The following GOPC variants were observed in gnomAD, a reference collection of about 807,000 sequenced individuals.
GOPC encodes the protein Golgi-associated PDZ and coiled-coil motif-containing protein.
Under a neutral mutation model 51.2 loss-of-function variants are expected in GOPC, and 32 were observed. The ratio of observed to expected loss-of-function variants is 0.63; its 90% CI spans 0.47 to 0.84. GOPC has a LOEUF of 0.84. Among genes scored for constraint, GOPC ranks in the 40% least tolerant of loss-of-function variants. The pLI, the probability that GOPC is intolerant of heterozygous loss-of-function variation, is 0.00. For synonymous variants in GOPC, 190 were observed against 205.1 expected, an observed-to-expected ratio of 0.93 and a Z score of 0.63; for missense variants, 441 against 555.5, an observed-to-expected ratio of 0.79 and a Z score of 2.07.
intron 1 of GOPC, among the ~76,000 whole-genome samples, chr6:117,582,895 C>A (rs1583059049): frequency 6.6e-6 from 1 of 151,804 alleles, no homozygotes; most frequent in Non-Finnish European, 1.5e-5. Flanking sequence ...CACACTGGCC[C>A]TCTGCCCTTA....
Position 117,560,829 on chromosome 6 carries a change from C to T in GOPC, c.*2425G>A, listed in dbSNP as rs1176374018. ...TTGTGTATACATGTGTGTATTTCTC[C>T]TTCTGTCCCCTTCTCGATGAAATGG... On this transcript the variant is annotated 3_prime_UTR_variant, in exon 9 of 9. Coordinates refer to ENST00000368498, the MANE Select transcript of GOPC (RefSeq NM_020399.4). 4.7e-6 allele frequency: 1 copy of T among 213,904 alleles called. No individual in the cohort carries two copies. The highest frequency in any genetic ancestry group is 9.4e-6 in the Non-Finnish European group (1 of 105,988). 13.3% of individuals were successfully genotyped at this position (213,904 alleles called of 1,614,324 possible).
intron 1 of GOPC, 63 bp downstream of exon 1, chr6:117,601,941 G>GGCATTTAAAT (rs1357113340): frequency 6.6e-7 from 1 of 1,521,426 alleles, no homozygotes; most frequent in Non-Finnish European, 9.0e-7. Context: ...AGCGTTAAAT[G>GGCATTTAAAT]GCATCTGACG....
intron 1 of GOPC, among the ~76,000 whole-genome samples, chr6:117,586,472 ATTCT>A (rs1318448959): frequency 1.9e-4 from 23 of 119,570 alleles, no homozygotes; most frequent in African/African-American, 7.3e-4. Flanking sequence ...CATCACAGAG[ATTCT>A]TTTTTTTTTT....
chr6:117,586,243 A>G (rs1463049379), intron 1 of GOPC, among the ~76,000 whole-genome samples: 1 of 152,158 alleles, frequency 6.6e-6, no homozygotes, highest in East Asian at 1.9e-4. Flanking sequence ...CAAAAATGTA[A>G]AAAATAAAAA....
At chr6:117,594,944 T>C (rs1019696386) in intron 1 of GOPC, among the ~76,000 whole-genome samples, 2 of 152,184 alleles carry the variant, frequency 1.3e-5, no homozygotes, top group African/African-American at 4.8e-5. Context: ...CTACTACTGC[T>C]AGTATTACTA....
At position 117,570,967 on chromosome 6, in the gene GOPC, G is replaced by A; in HGVS notation, c.817-12C>T. ...AGGGAATCTTGATCCTTATTGGGAG[G>A]AAAAAAGAAGAAAAAGTAGTATCAT... On this transcript the variant is annotated splice_polypyrimidine_tract_variant and intron_variant, in intron 5 of 8. Coordinates refer to ENST00000368498, the MANE Select transcript of GOPC (RefSeq NM_020399.4). 7.6e-7 allele frequency: 1 copy of A among 1,323,872 alleles called. No homozygotes were observed. 82.0% of individuals were successfully genotyped at this position (1,323,872 alleles called of 1,614,324 possible).
chr6:117,580,589 A>AT (rs769380057), intron 1 of GOPC, among the ~76,000 whole-genome samples: 26 of 152,082 alleles, frequency 1.7e-4, no homozygotes, highest in Admixed American at 1.6e-3. Context: ...CCTAAGTGAC[A>AT]TTTTTTGTTT....
At chr6:117,588,430 C>G (rs1010572232) in intron 1 of GOPC, among the ~76,000 whole-genome samples, 13 of 152,042 alleles carry the variant, frequency 8.6e-5, no homozygotes, top group Admixed American at 3.3e-4. Context: ...TGCCCGCCAC[C>G]ACGCCCAGCT....
chr6:117,579,140 T>G, intron 1 of GOPC, 76 bp from the exon 2 acceptor site: 1 of 1,190,350 alleles, frequency 8.4e-7, no homozygotes, highest in Non-Finnish European at 1.2e-6. Flanking sequence ...TATTCAAGAA[T>G]GACAACAGAG....
At chr6:117,582,347 T>A (rs1390477342) in intron 1 of GOPC, among the ~76,000 whole-genome samples, 4 of 150,432 alleles carry the variant, frequency 2.7e-5, no homozygotes, top group African/African-American at 9.8e-5. Context: ...TCTAGGCAGA[T>A]GGGGGTGTGT....
chr6:117,568,450 G>T (rs1401426945), intron 7 of GOPC, among the ~76,000 whole-genome samples: 1 of 152,108 alleles, frequency 6.6e-6, no homozygotes, highest in African/African-American at 2.4e-5. Context: ...TGCTTAGTTA[G>T]CATTTCCTTA....
At chr6:117,581,514 C>T (rs1253958538) in intron 1 of GOPC, among the ~76,000 whole-genome samples, 1 of 150,362 alleles carries the variant, frequency 6.7e-6, no homozygotes, top group Non-Finnish European at 1.5e-5. Flanking sequence ...TCTTTTGACC[C>T]GCTCCAATCA....
chr6:117,565,527 T>A (rs947164156), intron 8 of GOPC, among the ~76,000 whole-genome samples: 2 of 152,206 alleles, frequency 1.3e-5, no homozygotes, highest in African/African-American at 4.8e-5. Flanking sequence ...TACTGGTGAT[T>A]TGAAAAATAT....
At chr6:117,578,278 C>T (rs1779911059) in intron 2 of GOPC, among the ~76,000 whole-genome samples, 1 of 152,222 alleles carries the variant, frequency 6.6e-6, no homozygotes, top group Middle Eastern at 3.4e-3. Context: ...CAATGAAATG[C>T]TGGCAAAAAT....
intron 1 of GOPC, among the ~76,000 whole-genome samples, chr6:117,592,574 A>G (rs11153679): frequency 0.24 from 36,589 of 151,872 alleles, 4,881 homozygotes; most frequent in East Asian, 0.33. Context: ...TGCTTCTATC[A>G]TCACATAGCC....
rs772907387 is a variant in GOPC, at chr6:117,573,443, G to T, written c.816+24C>A. On this transcript the variant is annotated intron_variant, in intron 5 of 8. Coordinates refer to ENST00000368498, the MANE Select transcript of GOPC (RefSeq NM_020399.4). ...AAGAAAGAAAGAAGAGGCTGGGTGG[G>T]AAGCAGCAGCAAAGCAAACATACAT... 1.1e-5 allele frequency: 18 copies of T among 1,600,570 alleles called. No individual in the cohort carries two copies. The Admixed American group carries it at 2.6e-4, about 23-fold the overall frequency.
rs1472727239 is a variant in GOPC at position 117,562,651 on chromosome 6, A to G, written c.*603T>C. ...GATAAAAGACTGCTTAAAGAAAACTATTTTGTACTGCATTGAATAAAGCTG... is the reference window on the plus strand; with the variant it reads ...GATAAAAGACTGCTTAAAGAAAACTGTTTTGTACTGCATTGAATAAAGCTG... On this transcript the variant is annotated 3_prime_UTR_variant, in exon 9 of 9. Coordinates refer to ENST00000368498, the MANE Select transcript of GOPC (RefSeq NM_020399.4). 1 of 204,816 alleles carries G rather than the reference A, an allele frequency of 4.9e-6. No homozygotes were observed. Among genetic ancestry groups the G allele is most frequent in the Non-Finnish European group, 1.0e-5 (1 of 99,940 alleles). The allele number at this position is 204,816 out of a possible 1,614,324, so 12.7% of individuals were successfully genotyped here. A position where few individuals can be genotyped will look rare whatever the true frequency, so the allele number is the denominator to read the frequency against.
intron 1 of GOPC, among the ~76,000 whole-genome samples, chr6:117,597,898 T>G (rs1242295374): frequency 7.1e-6 from 1 of 140,154 alleles, no homozygotes; most frequent in African/African-American, 2.6e-5. Flanking sequence ...ATGAAAAGAT[T>G]AAAAAAAAAA....
intron 1 of GOPC, among the ~76,000 whole-genome samples, chr6:117,591,286 C>G (rs1170628918): frequency 2.6e-5 from 4 of 152,108 alleles, no homozygotes; most frequent in African/African-American, 7.2e-5. Flanking sequence ...AAAAAACAAA[C>G]AAAAAGCTCC....
Sources: allele counts gnomAD v4.1 joint callset (sites outside exome capture counted in the v4.1 genomes callset), GRCh38; gene constraint gnomAD v4.1.1; transcripts MANE v1.5; gene names NCBI Gene and HGNC (gene_info 2026-07-23, HGNC 2026-07-21).